Variants in NFIB observed in about 807,000 individuals in gnomAD.
NFIB encodes the protein nuclear factor 1 B-type.
Under a neutral mutation model 61.5 loss-of-function variants are expected in NFIB, and 11 were observed. That is an observed-to-expected ratio of 0.18 (90% CI 0.11 to 0.30). The LOEUF is 0.30. NFIB is among the 10% of genes least tolerant of loss of function. The pLI is 1.00. For missense variants in NFIB, 471 were observed against 608.9 expected, an observed-to-expected ratio of 0.77 and a Z score of 2.38; for synonymous variants, 260 against 216.5, an observed-to-expected ratio of 1.20 and a Z score of -1.76.
chr9:14,505,915 A>G, the NFIB span, among the ~76,000 whole-genome samples: 1 of 152,336 alleles, frequency 6.6e-6, no homozygotes, highest in African/African-American at 2.4e-5. Flanking sequence ...TACAAAGTAA[A>G]TGATGTATTT....
At chr9:14,249,137 A>G (rs1587916192) in intron 2 of NFIB, among the ~76,000 whole-genome samples, 2 of 152,346 alleles carry the variant, frequency 1.3e-5, no homozygotes, top group South Asian at 2.1e-4. Flanking sequence ...GAACTTAGTG[A>G]TAAGAAATAC....
intron 2 of NFIB, among the ~76,000 whole-genome samples, chr9:14,232,116 T>C (rs2053259053): frequency 6.6e-6 from 1 of 152,156 alleles, no homozygotes; most frequent in African/African-American, 2.4e-5. Flanking sequence ...TTTTAATGAG[T>C]TAAAGGTGTA....
the NFIB span, among the ~76,000 whole-genome samples, chr9:14,530,739 T>A: frequency 6.6e-6 from 1 of 152,110 alleles, no homozygotes; most frequent in African/African-American, 2.4e-5. Flanking sequence ...GCACAGTGGA[T>A]GAGCTGACCA....
At chr9:14,187,574 T>C (rs2047520311) in intron 2 of NFIB, among the ~76,000 whole-genome samples, 1 of 152,150 alleles carries the variant, frequency 6.6e-6, no homozygotes, top group South Asian at 2.1e-4. Flanking sequence ...AGATATACGA[T>C]ATATCCTGTT....
Position 14,150,229 on chromosome 9 carries a change from A to G in NFIB, c.722T>C (p.Ile241Thr), listed in dbSNP as rs916041028. The change falls in exon 5 of 11, where the codon ATT becomes ACT. Residue 241 changes from isoleucine to threonine, a missense_variant. Ile to Thr is a moderately conservative substitution (Grantham distance 89). Coordinates refer to ENST00000380953, the MANE Select transcript of NFIB (RefSeq NM_001190737.2). ...ITQGTGVNFP[I>T]GEIPSQPYYH... ...GTATGGTTGGCTTGGGATTTCTCCAATTGGGAAGTTGACTCCAGTTCCCTG... is the reference window on the plus strand; with the variant it reads ...GTATGGTTGGCTTGGGATTTCTCCAGTTGGGAAGTTGACTCCAGTTCCCTG... 3 of 1,613,482 alleles carry G rather than the reference A, an allele frequency of 1.9e-6. No homozygotes were observed. In the Admixed American group the frequency reaches 5.0e-5, roughly 27 times the overall value.
At chr9:14,428,174 G>C in the NFIB span, among the ~76,000 whole-genome samples, 2 of 151,706 alleles carry the variant, frequency 1.3e-5, no homozygotes, top group Non-Finnish European at 2.9e-5. Context: ...TCAAATTCCT[G>C]GGCTCAAGTA....
At chr9:14,532,011 T>C in the NFIB span, 1 of 152,936 alleles carries the variant, frequency 6.5e-6, no homozygotes, top group Non-Finnish European at 1.5e-5. Flanking sequence ...GTCCGACGTT[T>C]TCCCAGCCAT....
the NFIB span, among the ~76,000 whole-genome samples, chr9:14,426,049 C>G: frequency 6.6e-6 from 1 of 152,144 alleles, no homozygotes; most frequent in African/African-American, 2.4e-5. Flanking sequence ...TCTTTTTACT[C>G]TGCCTTTTTT....
chr9:14,126,710 T>A (rs2130897974), intron 6 of NFIB, among the ~76,000 whole-genome samples: 1 of 152,304 alleles, frequency 6.6e-6, no homozygotes, highest in South Asian at 2.1e-4. Flanking sequence ...CTTACCCTCA[T>A]AGGAGAAACG....
chr9:14,316,094 C>T (rs1320976993), upstream of NFIB, among the ~76,000 whole-genome samples: 2 of 152,188 alleles, frequency 1.3e-5, no homozygotes, highest in Admixed American at 6.5e-5. Context: ...CCCAGCGGAC[C>T]TGGAGGAACC....
chr9:14,270,800 A>C (rs967356788), intron 2 of NFIB, among the ~76,000 whole-genome samples: 1 of 152,168 alleles, frequency 6.6e-6, no homozygotes, highest in African/African-American at 2.4e-5. Flanking sequence ...TTTTGTCTTA[A>C]ATTTGCACAA....
upstream of NFIB, among the ~76,000 whole-genome samples, chr9:14,401,177 T>C (rs548825195): frequency 1.3e-5 from 2 of 152,200 alleles, no homozygotes; most frequent in African/African-American, 4.8e-5. Flanking sequence ...AAAAGGCTCA[T>C]TGTGTGTCTA....
At position 14,312,464 on chromosome 9, in the gene NFIB, C is replaced by T. The variant is rs75870112; in HGVS notation, c.30+1018G>A. On this transcript the variant is annotated intron_variant, in intron 1 of 10. Transcript: ENST00000380953. ...AAAGCTGAAATAAGCTGCCCCATAC[C>T]TTTAGAGGTTTAAAATACTGCCTCA... 8.5e-5 allele frequency among the ~76,000 whole-genome samples: 13 copies of T among 152,238 alleles called. No individual in the cohort carries two copies. In the East Asian group the frequency reaches 2.5e-3, roughly 29 times the overall value.
chr9:14,380,878 T>C (rs191922615), intron 1 of NFIB, among the ~76,000 whole-genome samples: 147 of 151,984 alleles, frequency 9.7e-4, no homozygotes, highest in Admixed American at 3.1e-3. Context: ...AGAAGCTAGG[T>C]GCTGTCACTA....
At chr9:14,118,297 C>T (rs2038429614) in intron 8 of NFIB, among the ~76,000 whole-genome samples, 1 of 152,014 alleles carries the variant, frequency 6.6e-6, no homozygotes, top group African/African-American at 2.4e-5. Context: ...ATACAGTGTT[C>T]ACCAAAACAG....
intron 2 of NFIB, among the ~76,000 whole-genome samples, chr9:14,264,306 C>T (rs955080664): frequency 3.9e-5 from 6 of 152,146 alleles, no homozygotes; most frequent in African/African-American, 9.7e-5. Flanking sequence ...GGCCTTACTT[C>T]ACCTGCCCAG....
intron 2 of NFIB, among the ~76,000 whole-genome samples, chr9:14,222,476 T>C (rs1297428847): frequency 6.6e-6 from 1 of 152,062 alleles, no homozygotes; most frequent in African/African-American, 2.4e-5. Context: ...AATTTCCAGG[T>C]AAATCTGTCC....
chr9:14,509,407 T>G, the NFIB span, among the ~76,000 whole-genome samples: 1 of 152,220 alleles, frequency 6.6e-6, no homozygotes. Flanking sequence ...ATACCATTCC[T>G]TGCTACTGCT....
chr9:14,171,727 G>A (rs1281114502), intron 3 of NFIB, among the ~76,000 whole-genome samples: 1 of 152,070 alleles, frequency 6.6e-6, no homozygotes, highest in Non-Finnish European at 1.5e-5. Flanking sequence ...CCCAAGTCTG[G>A]TAAAATAAAA....
Sources: allele counts gnomAD v4.1 joint callset (sites outside exome capture counted in the v4.1 genomes callset), GRCh38; gene constraint gnomAD v4.1.1; transcripts MANE v1.5; gene names NCBI Gene and HGNC (gene_info 2026-07-23, HGNC 2026-07-21).